SMG1: variants seen among roughly 807,000 people sequenced by gnomAD.
SMG1 encodes the protein SMG1 nonsense mediated mRNA decay associated PI3K related kinase.
Under a neutral mutation model 419.9 loss-of-function variants are expected in SMG1, and 22 were observed. The ratio of observed to expected loss-of-function variants is 0.05; its 90% CI spans 0.04 to 0.07. The LOEUF is 0.07. SMG1 is among the 10% of genes least tolerant of loss of function. The pLI is 1.00. For synonymous variants in SMG1, 1,538 were observed against 1,553.5 expected, an observed-to-expected ratio of 0.99 and a Z score of 0.23; for missense variants, 3,185 against 4,342.0, an observed-to-expected ratio of 0.73 and a Z score of 7.49.
intron 60 of SMG1, 76 bp from the exon 61 acceptor site, chr16:18,812,203 T>C (rs946819578): frequency 1.4e-6 from 2 of 1,408,290 alleles, no homozygotes. Context: ...AAGCACGGGA[T>C]AGGTGGTAGT....
intron 1 of SMG1, among the ~76,000 whole-genome samples, chr16:18,903,122 G>A (rs894106010): frequency 3.0e-4 from 45 of 152,110 alleles, no homozygotes; most frequent in African/African-American, 1.1e-3. Context: ...ACTGCACCCG[G>A]CCATAAATTT....
rs1317768849 is a variant in SMG1 at position 18,808,272 on chromosome 16, TCA to T, written c.*1295_*1296del. 1.3e-5 allele frequency: 2 copies of T among 152,216 alleles called. No homozygotes were observed. The highest frequency in any genetic ancestry group is 4.8e-5 in the African/African-American group (2 of 41,460). The allele number at this position is 152,216 out of a possible 1,614,324, so 9.4% of individuals were successfully genotyped here. A position where few individuals can be genotyped will look rare whatever the true frequency, so the allele number is the denominator to read the frequency against. On this transcript the variant is annotated 3_prime_UTR_variant, in exon 63 of 63. Transcript: ENST00000446231. Reference sequence around the variant, plus strand: ...AAAATTGTGCAAAAAGTAAAGCACTTCACAGACTAATAACTGAACTTAATAAA... The same window carrying T: ...AAAATTGTGCAAAAAGTAAAGCACTTCAGACTAATAACTGAACTTAATAAA...
chr16:18,880,009 G>T (rs549904684), intron 10 of SMG1, among the ~76,000 whole-genome samples: 29 of 152,254 alleles, frequency 1.9e-4, no homozygotes, highest in Admixed American at 4.6e-4. Context: ...ACTAAATGGC[G>T]GAAGCTCAGA....
At chr16:18,827,507 A>G (rs1028615474) in intron 55 of SMG1, among the ~76,000 whole-genome samples, 2 of 145,714 alleles carry the variant, frequency 1.4e-5, no homozygotes, top group Admixed American at 6.9e-5. Flanking sequence ...CAAAATATAT[A>G]TTTTTATATA....
chr16:18,908,140 CA>C (rs1567453890), intron 1 of SMG1, among the ~76,000 whole-genome samples: 1 of 151,820 alleles, frequency 6.6e-6, no homozygotes, highest in Non-Finnish European at 1.5e-5. Flanking sequence ...CTGAGGCAGG[CA>C]GATTACCTGA....
chr16:18,846,880 C>T (rs2034298220), intron 38 of SMG1, among the ~76,000 whole-genome samples: 1 of 152,044 alleles, frequency 6.6e-6, no homozygotes, highest in Admixed American at 6.6e-5. Flanking sequence ...CTGGATCATC[C>T]ACAAAATATA....
chr16:18,874,165 G>C (rs1289394076), intron 13 of SMG1, among the ~76,000 whole-genome samples: 1 of 151,974 alleles, frequency 6.6e-6, no homozygotes, highest in African/African-American at 2.4e-5. Flanking sequence ...TTGAGACAGA[G>C]TCTGGTTCTG....
Position 18,880,721 on chromosome 16 carries a change from A to AGGGG in SMG1, c.1294-1006_1294-1003dup, listed in dbSNP as rs35134931. 1.5e-3 allele frequency among the ~76,000 whole-genome samples: 96 copies of AGGGG among 63,922 alleles called. 3 individuals carry two copies. The highest frequency in any genetic ancestry group is 3.0e-3 in the East Asian group (5 of 1,678). The allele number at this position is 63,922 out of a possible 152,430, so 41.9% of individuals were successfully genotyped here. On this transcript the variant is annotated intron_variant, in intron 10 of 62. Transcript: ENST00000446231. Reference sequence around the variant, plus strand: ...CAGAGACCATGTCTCCAAAAAAAAAAGGGGGGGGGCGCGGAGGGGGAAGCA... The same window carrying AGGGG: ...CAGAGACCATGTCTCCAAAAAAAAAAGGGGGGGGGGGGGCGCGGAGGGGGAAGCA...
chr16:18,836,042 G>C lies in SMG1; in HGVS notation c.7948C>G (p.Gln2650Glu). The change falls in exon 48 of 63, where the codon CAG (glutamine) becomes GAG (glutamate). Residue 2650 changes from glutamine to glutamate, a missense_variant. Physicochemically the swap from Gln to Glu is conservative, Grantham distance 29. Around this residue, in one of 27 missense-constraint regions of SMG1, gnomAD observed 412 missense variants for 546.6 expected, o/e 0.75. Coordinates refer to ENST00000446231, the MANE Select transcript of SMG1 (RefSeq NM_015092.5). ...TTCTGAAATATGGCCTTCGGATACT[G>C]CAGGGCCACGGTTGCATAGTGATGC... ...QLHHYATVALQYPKAIFQKHR... is the reference protein window; with the variant it reads ...QLHHYATVALEYPKAIFQKHR... 6.3e-7 allele frequency: 1 copy of C among 1,593,712 alleles called. No individual in the cohort carries two copies. Among genetic ancestry groups the C allele is most frequent in the Non-Finnish European group, 8.5e-7 (1 of 1,169,964 alleles).
chr16:18,878,615 AAAAAAGAAAAG>A (rs1403991406), intron 11 of SMG1: 32 of 152,272 alleles, frequency 2.1e-4, no homozygotes, highest in Admixed American at 2.1e-3. Context: ...ACAAAAAAAA[AAAAAAGAAAAG>A]AAAAGAAAAA....
intron 31 of SMG1, 32 bp downstream of exon 31, chr16:18,853,551 T>G: frequency 6.8e-7 from 1 of 1,469,900 alleles, no homozygotes. Context: ...GCTTCTAAAA[T>G]TAATATTCTA....
chr16:18,828,938 C>T (rs189589958), intron 54 of SMG1, among the ~76,000 whole-genome samples: 5 of 151,138 alleles, frequency 3.3e-5, no homozygotes, highest in Non-Finnish European at 5.9e-5. Flanking sequence ...GCGGAGGTTG[C>T]GGTGAGCCGA....
chr16:18,812,472 T>C (rs2031507521), intron 60 of SMG1, among the ~76,000 whole-genome samples: 1 of 151,956 alleles, frequency 6.6e-6, no homozygotes, highest in African/African-American at 2.4e-5. Context: ...AAAAGTGAAA[T>C]ATAAACATTA....
chr16:18,837,901 T>A, intron 45 of SMG1, 113 bp downstream of exon 45: 1 of 1,040,276 alleles, frequency 9.6e-7, no homozygotes, highest in Non-Finnish European at 1.4e-6. Flanking sequence ...TTCAATATTA[T>A]ACATTAGTTT....
intron 2 of SMG1, among the ~76,000 whole-genome samples, 151 bp from the exon 3 acceptor site, chr16:18,896,358 TTTTGA>T (rs2037127981): frequency 1.3e-5 from 2 of 152,378 alleles, no homozygotes; most frequent in South Asian, 4.1e-4. Flanking sequence ...TTGAAAATCA[TTTTGA>T]TTTCTTTTAA....
rs2031165311 is a variant in SMG1, at chr16:18,809,479, G to A, written c.*90C>T. On this transcript the variant is annotated 3_prime_UTR_variant, in exon 63 of 63. Transcript: ENST00000446231. ...GTAAGCCCCCAGTTGCATCACCACC[G>A]ACTGTGGTGTGGCTTTGGATGCCTG... 2 of 960,766 alleles carry A rather than the reference G, an allele frequency of 2.1e-6. No homozygotes were observed. The highest frequency in any genetic ancestry group is 2.0e-5 in the Admixed American group (1 of 50,250). 59.5% of individuals were successfully genotyped at this position (960,766 alleles called of 1,614,324 possible). A position where few individuals can be genotyped will look rare whatever the true frequency, so the allele number is the denominator to read the frequency against.
chr16:18,884,544 ATG>A (rs918976183), intron 8 of SMG1, among the ~76,000 whole-genome samples: 14 of 152,212 alleles, frequency 9.2e-5, no homozygotes, highest in Admixed American at 2.6e-4. Flanking sequence ...CTCAGTGAAA[ATG>A]AAACAGGCCA....
At chr16:18,882,105 A>AT in intron 10 of SMG1, 60 bp downstream of exon 10, 1 of 1,226,334 alleles carries the variant, frequency 8.2e-7, no homozygotes, top group Non-Finnish European at 1.1e-6. Context: ...AAAGAGAAGC[A>AT]TTTACAGTGT....
intron 54 of SMG1, 105 bp downstream of exon 54, chr16:18,829,181 T>C (rs2141202151): frequency 1.1e-6 from 1 of 936,770 alleles, no homozygotes; most frequent in East Asian, 2.6e-5. Flanking sequence ...TGCTGTGAGT[T>C]CAGGAAGTTT....
Sources: gnomAD v4.1 joint callset for allele counts (sites outside exome capture counted in the v4.1 genomes callset) on GRCh38, gnomAD v4.1.1 for gene constraint, gnomAD v4.1.1 regional missense constraint, MANE v1.5 for transcripts, NCBI Gene and HGNC (gene_info 2026-07-23, HGNC 2026-07-21) for gene names.